Variants in OXNAD1 observed in about 807,000 individuals in gnomAD.
The protein encoded by OXNAD1 is oxidoreductase NAD-binding domain-containing protein 1.
Under a neutral mutation model 32.9 loss-of-function variants are expected in OXNAD1, and 34 were observed. That is an observed-to-expected ratio of 1.03 (90% CI 0.79 to 1.38). OXNAD1 has a LOEUF of 1.38. Ranked by LOEUF, OXNAD1 falls within the 40% of genes most tolerant of loss-of-function variation. The pLI is 0.00. For missense variants in OXNAD1, 407 were observed against 379.4 expected, an observed-to-expected ratio of 1.07 and a Z score of -0.60; for synonymous variants, 134 against 135.2, an observed-to-expected ratio of 0.99 and a Z score of 0.06.
At chr3:16,338,454 C>G (rs2071069874), downstream of OXNAD1, among the ~76,000 whole-genome samples, 1 of 152,238 alleles carries the variant, frequency 6.6e-6, no homozygotes. This position sits in a 1 kb window ranked among gnomAD's most constrained non-coding sequence, Gnocchi z 5.3. Flanking sequence ...TCATCGGGAC[C>G]ACGTATGCAA....
In OXNAD1 at chr3:16,334,450, G is replaced by T. The variant is rs1559827091; in HGVS notation, c.*31-2662G>T. 6.6e-6 allele frequency among the ~76,000 whole-genome samples: 1 copy of T among 152,184 alleles called. No homozygotes were observed. Among genetic ancestry groups the T allele is most frequent in the South Asian group, 2.1e-4 (1 of 4,832 alleles). On this transcript the variant is annotated intron_variant, in intron 9 of 9. Coordinates refer to the OXNAD1 transcript ENST00000435829. The surrounding 1 kb of genome is among the most constrained non-coding windows in gnomAD (Gnocchi z 4.3). ...TATTAAAAAATGAGAAATGCACAGA[G>T]TTATTCACTGGAGAGCGGTCTGCAG...
Position 16,316,408 on chromosome 3 carries a change from A to G in OXNAD1, c.*30+12816A>G. On this transcript the variant is annotated intron_variant, in intron 9 of 9. Coordinates refer to the OXNAD1 transcript ENST00000435829. The surrounding 1 kb of genome is among the most constrained non-coding windows in gnomAD (Gnocchi z 4.5). ...GTCACCAAGTAGCTGCAGGGGATGG[A>G]CACTGCCCCACACGATGTGGGATGA... 4.5e-6 allele frequency: 1 copy of G among 224,426 alleles called. No homozygotes were observed. The highest frequency in any genetic ancestry group is 6.1e-5 in the South Asian group (1 of 16,278). 13.9% of individuals were successfully genotyped at this position (224,426 alleles called of 1,614,324 possible). A position where few individuals can be genotyped will look rare whatever the true frequency, so the allele number is the denominator to read the frequency against.
At chr3:16,276,925 C>CTT (rs201229589) in intron 4 of OXNAD1, among the ~76,000 whole-genome samples, 1 of 133,888 alleles carries the variant, frequency 7.5e-6, no homozygotes, top group Non-Finnish European at 1.6e-5. Context: ...TTCTTTCTTT[C>CTT]TTTTTTTTTT....
chr3:16,313,677 C>T (rs2068129324), intron 9 of OXNAD1: 1 of 152,124 alleles, frequency 6.6e-6, no homozygotes, highest in African/African-American at 2.4e-5. Flanking sequence ...GATTGATGCT[C>T]AGAGCTGTGA....
chr3:16,271,985 C>T lies in OXNAD1; in HGVS notation c.183+263C>T, dbSNP rs76414131. On this transcript the variant is annotated intron_variant, in intron 4 of 8. Transcript: ENST00000285083. This position sits in a 1 kb window ranked among gnomAD's most constrained non-coding sequence, Gnocchi z 4.6. ...CAAGTAGAGCAGCAACTGAGGGAGC[C>T]ATCCTCACAGGTATGATGTTTAGGG... 0.031 allele frequency among the ~76,000 whole-genome samples: 4,768 copies of T among 152,238 alleles called. 106 individuals carry two copies. The highest frequency in any genetic ancestry group is 0.082 in the Middle Eastern group (24 of 294).
At chr3:16,351,654 C>T (rs2072110225), downstream of OXNAD1, among the ~76,000 whole-genome samples, 1 of 152,146 alleles carries the variant, frequency 6.6e-6, no homozygotes, top group Non-Finnish European at 1.5e-5. This position sits in a 1 kb window ranked among gnomAD's most constrained non-coding sequence, Gnocchi z 5.4. Context: ...CTTCTGACCT[C>T]ACCAACTGAG....
At chr3:16,340,861 T>G (rs1049392996), downstream of OXNAD1, among the ~76,000 whole-genome samples, 4 of 152,006 alleles carry the variant, frequency 2.6e-5, no homozygotes, top group Admixed American at 6.6e-5. Context: ...CTCAAGAGAA[T>G]GAGAAGACAA....
In OXNAD1 at chr3:16,316,071, CGCCA is replaced by C. The variant is rs939447125; in HGVS notation, c.*30+12485_*30+12488del. On this transcript the variant is annotated intron_variant, in intron 9 of 9. Coordinates refer to the OXNAD1 transcript ENST00000435829. This position sits in a 1 kb window ranked among gnomAD's most constrained non-coding sequence, Gnocchi z 4.5. Reference sequence around the variant, plus strand: ...TGATTAAAATAGCACATAACAAGGGCGCCAGCCAGTCCCGATGCCCTGAAGTGAC... The same window carrying C: ...TGATTAAAATAGCACATAACAAGGGCGCCAGTCCCGATGCCCTGAAGTGAC... 4 of 152,672 alleles carry C rather than the reference CGCCA, an allele frequency of 2.6e-5. No individual in the cohort carries two copies. The highest frequency in any genetic ancestry group is 9.7e-5 in the African/African-American group (4 of 41,440). The allele number at this position is 152,672 out of a possible 1,614,324, so 9.5% of individuals were successfully genotyped here. A position where few individuals can be genotyped will look rare whatever the true frequency, so the allele number is the denominator to read the frequency against.
Position 16,344,384 on chromosome 3 carries a change from T to C in OXNAD1, c.*31-4792T>C, listed in dbSNP as rs1445981777. 6.6e-6 allele frequency among the ~76,000 whole-genome samples: 1 copy of C among 152,048 alleles called. No homozygotes were observed. Among genetic ancestry groups the C allele is most frequent in the Admixed American group, 6.6e-5 (1 of 15,254 alleles). On this transcript the variant is annotated intron_variant, in intron 9 of 9. Coordinates refer to the OXNAD1 transcript ENST00000606098. The surrounding 1 kb of genome is among the most constrained non-coding windows in gnomAD (Gnocchi z 4.4). ...CCTATAGGCATCAACTATAATCTAATTTAGAAACAACATGTAAAAACAGAT... is the reference window on the plus strand; with the variant it reads ...CCTATAGGCATCAACTATAATCTAACTTAGAAACAACATGTAAAAACAGAT...
At chr3:16,286,153 A>G (rs2066056097) in intron 4 of OXNAD1, among the ~76,000 whole-genome samples, 189 bp from the exon 5 acceptor site, 1 of 152,210 alleles carries the variant, frequency 6.6e-6, no homozygotes, top group Admixed American at 6.5e-5. Context: ...GTCTCTCAAA[A>G]AAAAGTTAAT....
At chr3:16,343,438 CTTG>C (rs1321177935) in intron 9 of OXNAD1, among the ~76,000 whole-genome samples, 1 of 152,192 alleles carries the variant, frequency 6.6e-6, no homozygotes, top group Non-Finnish European at 1.5e-5. Flanking sequence ...CCTGATTACC[CTTG>C]TTTTTTCCTC....
chr3:16,292,450 C>T (rs1041969931), intron 5 of OXNAD1, among the ~76,000 whole-genome samples: 4 of 152,168 alleles, frequency 2.6e-5, no homozygotes, highest in African/African-American at 4.8e-5. Flanking sequence ...ACCTCGGCCT[C>T]CCAAAGTGCT....
intron 9 of OXNAD1, among the ~76,000 whole-genome samples, chr3:16,324,127 A>T (rs545933793): frequency 7.9e-5 from 12 of 152,124 alleles, no homozygotes; most frequent in African/African-American, 2.9e-4. Flanking sequence ...CCCTGCTTCC[A>T]CCCTTCTGAT....
rs1485423624 is a variant in OXNAD1, at chr3:16,289,717, T to C, written c.290+3269T>C. 1.3e-5 allele frequency among the ~76,000 whole-genome samples: 2 copies of C among 152,236 alleles called. No homozygotes were observed. The highest frequency in any genetic ancestry group is 2.9e-5 in the Non-Finnish European group (2 of 68,046). Reference sequence around the variant, plus strand: ...ACTGTGTCCTCCCCCATTACTCATCTGGTAAGCATTGTGTGTCTTTTAAGA... The same window carrying C: ...ACTGTGTCCTCCCCCATTACTCATCCGGTAAGCATTGTGTGTCTTTTAAGA... On this transcript the variant is annotated intron_variant, in intron 5 of 8. Transcript: ENST00000285083. This position sits in a 1 kb window ranked among gnomAD's most constrained non-coding sequence, Gnocchi z 4.9.
At position 16,301,938 on chromosome 3, in the gene OXNAD1, C is replaced by T; in HGVS notation, c.675+70C>T. The T allele has an allele frequency of 6.5e-7, 1 of 1,542,384 alleles. No homozygotes were observed. The highest frequency in any genetic ancestry group is 8.7e-7 in the Non-Finnish European group (1 of 1,145,912). ...TTAATTGTTCATGAAAGTTTTTTCT[C>T]TAGGTTTTGTTTTCTCTGCAAAGGT... On this transcript the variant is annotated intron_variant, in intron 7 of 8. Transcript: ENST00000285083. The surrounding 1 kb of genome is among the most constrained non-coding windows in gnomAD (Gnocchi z 4.1).
At chr3:16,325,497 G>T (rs2069602199) in intron 9 of OXNAD1, among the ~76,000 whole-genome samples, 1 of 152,182 alleles carries the variant, frequency 6.6e-6, no homozygotes, top group Non-Finnish European at 1.5e-5. Flanking sequence ...TCTGGAAATT[G>T]ACCAGGAAAC....
rs1003924162 is a variant in OXNAD1 at position 16,334,044 on chromosome 3, A to T, written c.*31-3068A>T. On this transcript the variant is annotated intron_variant, in intron 9 of 9. Coordinates refer to the OXNAD1 transcript ENST00000435829. The surrounding 1 kb of genome is among the most constrained non-coding windows in gnomAD (Gnocchi z 4.3). ...GCCGGGCATGGTGGCGGGTGCCTGT[A>T]GTCCCAGCTACTTGGGAGGCTGAGG... Among the ~76,000 whole-genome samples the T allele has an allele frequency of 2.0e-5, 3 of 152,188 alleles. No homozygotes were observed. Among genetic ancestry groups the T allele is most frequent in the Admixed American group, 2.0e-4 (3 of 15,274 alleles).
At chr3:16,283,174 A>C (rs1264147183) in intron 4 of OXNAD1, among the ~76,000 whole-genome samples, 1 of 152,200 alleles carries the variant, frequency 6.6e-6, no homozygotes, top group African/African-American at 2.4e-5. Context: ...AATATCTGGT[A>C]ATGGAAATAA....
downstream of OXNAD1, among the ~76,000 whole-genome samples, chr3:16,307,934 A>C (rs1019507114): frequency 1.4e-4 from 22 of 152,316 alleles, no homozygotes; most frequent in African/African-American, 4.8e-4. Context: ...AGAGGAGTGA[A>C]ATAACAGCCT....
Sources: allele counts gnomAD v4.1 joint callset (sites outside exome capture counted in the v4.1 genomes callset), GRCh38; gene constraint gnomAD v4.1.1; non-coding constraint Gnocchi (gnomAD v3.1); transcripts MANE v1.5; gene names NCBI Gene and HGNC (gene_info 2026-07-23, HGNC 2026-07-21).